The following C1GALT1 variants were observed in gnomAD, a reference collection of about 807,000 sequenced individuals.
C1GALT1 encodes core 1 synthase, glycoprotein-N-acetylgalactosamine 3-beta-galactosyltransferase 1.
A neutral mutation model predicts 31.0 loss-of-function variants in C1GALT1; 11 were observed. That is an observed-to-expected ratio of 0.36 (90% CI 0.22 to 0.59). The LOEUF (loss-of-function observed/expected upper bound fraction) is 0.59. C1GALT1 is among the 20% of genes least tolerant of loss of function. The probability of loss-of-function intolerance (pLI) is 0.79; values close to 1 mark genes in which losing one functional copy is unlikely to be tolerated. For synonymous variants in C1GALT1, 175 were observed against 143.6 expected, an observed-to-expected ratio of 1.22 and a Z score of -1.56; for missense variants, 424 against 425.2, an observed-to-expected ratio of 1.00 and a Z score of 0.03.
Position 7,225,319 on chromosome 7 carries a change from G to C in C1GALT1, c.-17-8984G>C, listed in dbSNP as rs552930152. 6.2e-4 allele frequency among the ~76,000 whole-genome samples: 94 copies of C among 152,130 alleles called. 2 individuals carry two copies. The South Asian group carries it at 0.012, about 19-fold the overall frequency. ...TTCTTTGCTATTTTTACTTCCCTGT[G>C]TCATTAGCAAAACTAAACTCCAGGA... On this transcript the variant is annotated intron_variant, in intron 1 of 3. Coordinates refer to ENST00000436587, the MANE Select transcript of C1GALT1 (RefSeq NM_020156.5).
At chr7:7,230,113 T>C (rs1782996883) in intron 1 of C1GALT1, among the ~76,000 whole-genome samples, 2 of 152,170 alleles carry the variant, frequency 1.3e-5, no homozygotes, top group African/African-American at 4.8e-5. Context: ...AAATATAAGA[T>C]ATATAATGCA....
At chr7:7,206,242 T>TA (rs1280155451) in intron 1 of C1GALT1, among the ~76,000 whole-genome samples, 1 of 152,118 alleles carries the variant, frequency 6.6e-6, no homozygotes, top group Non-Finnish European at 1.5e-5. Context: ...GTTCCAAAGT[T>TA]ACAATAATAC....
chr7:7,212,986 A>C (rs1320105003), intron 1 of C1GALT1, among the ~76,000 whole-genome samples: 1 of 152,218 alleles, frequency 6.6e-6, no homozygotes, highest in African/African-American at 2.4e-5. Flanking sequence ...GGTCATAAAT[A>C]GTTTAGAATA....
intron 1 of C1GALT1, among the ~76,000 whole-genome samples, chr7:7,213,343 C>T (rs1287661224): frequency 6.6e-6 from 1 of 152,156 alleles, no homozygotes; most frequent in African/African-American, 2.4e-5. Flanking sequence ...TTTACAGTAA[C>T]TTTAGCCTTA....
intron 1 of C1GALT1, among the ~76,000 whole-genome samples, chr7:7,218,818 A>G (rs374467830): frequency 1.3e-5 from 2 of 151,100 alleles, no homozygotes; most frequent in African/African-American, 4.9e-5. Flanking sequence ...ATTGGTATAC[A>G]TCTCAAACCG....
chr7:7,241,103 A>ATG (rs202193158), intron 3 of C1GALT1, among the ~76,000 whole-genome samples: 2,547 of 17,564 alleles, frequency 0.15, 78 homozygotes, highest in African/African-American at 0.42. Context: ...AATTGTTTAC[A>ATG]TATATATCTC....
upstream of C1GALT1, among the ~76,000 whole-genome samples, chr7:7,178,570 T>G (rs1159592956): frequency 6.6e-6 from 1 of 152,192 alleles, no homozygotes; most frequent in African/African-American, 2.4e-5. Context: ...CTATTCACCA[T>G]GTTACTTCCA....
At chr7:7,203,420 A>T (rs929777995) in intron 1 of C1GALT1, among the ~76,000 whole-genome samples, 4 of 151,984 alleles carry the variant, frequency 2.6e-5, no homozygotes, top group Non-Finnish European at 5.9e-5. Flanking sequence ...ATTTTGTCAG[A>T]TACTTTTTCT....
rs572751202 is a variant in C1GALT1, at chr7:7,211,017, ACTC to A, written c.-17-23283_-17-23281del. On this transcript the variant is annotated intron_variant, in intron 1 of 3. Coordinates refer to ENST00000436587, the MANE Select transcript of C1GALT1 (RefSeq NM_020156.5). Reference sequence around the variant, plus strand: ...TGCTGTTAGAGGGTTTTGGGCAACAACTCCTTCTGGCTACTTACTGCTGAAAAG... The same window carrying A: ...TGCTGTTAGAGGGTTTTGGGCAACAACTTCTGGCTACTTACTGCTGAAAAG... Among the ~76,000 whole-genome samples the A allele has an allele frequency of 1.6e-3, 237 of 152,088 alleles. 2 individuals are homozygous for A. Among genetic ancestry groups the A allele is most frequent in the Middle Eastern group, 0.01 (3 of 294 alleles).
intron 1 of C1GALT1, among the ~76,000 whole-genome samples, chr7:7,184,002 A>T (rs1185672001): frequency 6.6e-6 from 1 of 152,206 alleles, no homozygotes; most frequent in African/African-American, 2.4e-5. Flanking sequence ...AAGTTGCTTC[A>T]TTCTGGTGTG....
chr7:7,227,189 T>C (rs1562588710), intron 1 of C1GALT1, among the ~76,000 whole-genome samples: 1 of 152,240 alleles, frequency 6.6e-6, no homozygotes, highest in African/African-American at 2.4e-5. Context: ...ATGTTAATTC[T>C]TTAAAAACGA....
chr7:7,176,660 G>T (rs565958916), intron 2 of C1GALT1, among the ~76,000 whole-genome samples: 1 of 152,042 alleles, frequency 6.6e-6, no homozygotes, highest in East Asian at 2.0e-4. Flanking sequence ...GAGGTTAAAT[G>T]TATTTCCTAG....
At chr7:7,183,694 A>G (rs1780692745) in intron 1 of C1GALT1, 1 of 725,942 alleles carries the variant, frequency 1.4e-6, no homozygotes. Flanking sequence ...CCCGCATTTA[A>G]AGCAAACAAC....
At chr7:7,216,726 C>T (rs1312656993) in intron 1 of C1GALT1, among the ~76,000 whole-genome samples, 5 of 152,228 alleles carry the variant, frequency 3.3e-5, no homozygotes, top group East Asian at 1.9e-4. Context: ...ATAGAATGGC[C>T]GTTTTCCCAC....
rs578169072 is a variant in C1GALT1, at chr7:7,198,870, C to T, written c.-18+16050C>T. On this transcript the variant is annotated intron_variant, in intron 1 of 3. Transcript: ENST00000436587. ...ATGGTAGTTTGTATTTCTGTGGGAT[C>T]GGTGGTGATATGCCCTTTATCATTT... 1.8e-4 allele frequency among the ~76,000 whole-genome samples: 27 copies of T among 152,238 alleles called. No individual in the cohort carries two copies. In the South Asian group the frequency reaches 2.3e-3, roughly 13 times the overall value.
intron 1 of C1GALT1, among the ~76,000 whole-genome samples, chr7:7,213,008 C>T (rs1782076452): frequency 6.6e-6 from 1 of 152,164 alleles, no homozygotes; most frequent in Non-Finnish European, 1.5e-5. Flanking sequence ...GTTTCCTTGA[C>T]TCTGAAAAAC....
Position 7,243,610 on chromosome 7 carries a change from T to C in C1GALT1, c.975T>C (p.His325=). 6.2e-7 allele frequency: 1 copy of C among 1,612,832 alleles called. No homozygotes were observed. ...ATGAGTTAGAATACCTCGTTTATCA[T>C]CTTCGTCCATATGGTTATTTATACA... ...TMYELEYLVY[H]LRPYGYLYRY... Residue 325 remains histidine (H), a synonymous_variant, in exon 4 of 4, where the codon CAT becomes CAC. Transcript: ENST00000436587.
chr7:7,180,064 G>A (rs1303931884), upstream of C1GALT1, among the ~76,000 whole-genome samples: 2 of 152,114 alleles, frequency 1.3e-5, no homozygotes, highest in Admixed American at 1.3e-4. Context: ...AGTTCTACTA[G>A]TAAAGAAGAA....
chr7:7,186,059 G>T (rs1224664574), intron 1 of C1GALT1, among the ~76,000 whole-genome samples: 1 of 102,452 alleles, frequency 9.8e-6, no homozygotes, highest in African/African-American at 5.1e-5. Context: ...TCTGGTGAGG[G>T]CATTTGCTGG....
Sources: gnomAD v4.1 joint callset for allele counts (sites outside exome capture counted in the v4.1 genomes callset) on GRCh38, gnomAD v4.1.1 for gene constraint, MANE v1.5 for transcripts, NCBI Gene and HGNC (gene_info 2026-07-23, HGNC 2026-07-21) for gene names.